Variants in CPS1 observed in about 807,000 individuals in gnomAD.
CPS1 encodes the protein carbamoyl-phosphate synthase 1.
In CPS1, 109 loss-of-function variants were observed where a neutral mutation model predicts 174.6. The observed-to-expected ratio is 0.62, with a 90% CI of 0.53 to 0.73. The LOEUF is 0.73. Among genes scored for constraint, CPS1 ranks in the 30% least tolerant of loss-of-function variants. CPS1 has a pLI of 0.00. For missense variants in CPS1, 1,689 were observed against 1,821.9 expected, an observed-to-expected ratio of 0.93 and a Z score of 1.33; for synonymous variants, 637 against 632.0, an observed-to-expected ratio of 1.01 and a Z score of -0.12.
At chr2:210,675,048 C>A (rs369588620) in intron 35 of CPS1, 87 bp downstream of exon 35, 10 of 1,038,722 alleles carry the variant, frequency 9.6e-6, no homozygotes, top group Non-Finnish European at 1.5e-5. Context: ...AAAGAAATAG[C>A]CCAAAATATG....
rs192708177 is a variant in CPS1 at position 210,481,715 on chromosome 2, T to A, written c.3+3949T>A. On this transcript the variant is annotated intron_variant, in intron 1 of 38. Coordinates refer to the CPS1 transcript ENST00000430249. ...CCTACTTGCCTAGTAGCCACGTTAT[T>A]TGTGCTTCATTTTTCCTTTCTATTT... Among the ~76,000 whole-genome samples, 627 of 152,372 alleles carry A rather than the reference T, an allele frequency of 4.1e-3. 3 individuals are homozygous for A. Among genetic ancestry groups the A allele is most frequent in the Non-Finnish European group, 7.0e-3 (479 of 68,034 alleles).
At chr2:210,541,250 T>A (rs1302864720) in intron 1 of CPS1, among the ~76,000 whole-genome samples, 1 of 152,166 alleles carries the variant, frequency 6.6e-6, no homozygotes, top group Non-Finnish European at 1.5e-5. Context: ...TTTAGCTGAG[T>A]TGTGATATTT....
chr2:210,571,495 G>A (rs1697483925), intron 1 of CPS1, among the ~76,000 whole-genome samples: 1 of 151,834 alleles, frequency 6.6e-6, no homozygotes, highest in African/African-American at 2.4e-5. Flanking sequence ...CTGTTGAGAG[G>A]AACATCTTAA....
intron 34 of CPS1, chr2:210,671,513 GA>G (rs893263251): frequency 6.6e-5 from 10 of 152,110 alleles, no homozygotes; most frequent in African/African-American, 2.4e-4. Flanking sequence ...ACATTTCCAA[GA>G]AAATAAATCA....
intron 1 of CPS1, among the ~76,000 whole-genome samples, chr2:210,564,398 T>C (rs967491051): frequency 1.3e-5 from 2 of 151,834 alleles, no homozygotes; most frequent in South Asian, 2.1e-4. Flanking sequence ...TTTTTTGAGA[T>C]GGAGTCTCGC....
chr2:210,651,127 A>G (rs957823345), intron 28 of CPS1, among the ~76,000 whole-genome samples: 2 of 151,944 alleles, frequency 1.3e-5, no homozygotes, highest in African/African-American at 2.4e-5. Context: ...TCCTTTTAAA[A>G]GCTTTCAAAA....
At chr2:210,513,180 A>G (rs1695576829) in intron 1 of CPS1, among the ~76,000 whole-genome samples, 1 of 147,892 alleles carries the variant, frequency 6.8e-6, no homozygotes, top group Non-Finnish European at 1.5e-5. Flanking sequence ...ATATATATAT[A>G]TATCTCTCTC....
chr2:210,630,079 CAAAA>C (rs1233917758), intron 21 of CPS1, among the ~76,000 whole-genome samples: 4 of 104,968 alleles, frequency 3.8e-5, no homozygotes, highest in Admixed American at 2.8e-4. Context: ...TCTCAAAAAA[CAAAA>C]AAACAAAACA....
Position 210,642,677 on chromosome 2 carries a change from A to G in CPS1, c.3141+12A>G. On this transcript the variant is annotated intron_variant, in intron 25 of 37. Coordinates refer to ENST00000233072, the MANE Select transcript of CPS1 (RefSeq NM_001875.5). ...TCTACCATCAGGAGGTAAGAAAAGA[A>G]AAACAGAAAAAAAAGAAAAAAGAAG... 1 of 1,610,322 alleles carries G rather than the reference A, an allele frequency of 6.2e-7. No homozygotes were observed. The highest frequency in any genetic ancestry group is 2.2e-5 in the East Asian group (1 of 44,870).
intron 1 of CPS1, among the ~76,000 whole-genome samples, chr2:210,512,310 T>C (rs974760140): frequency 6.6e-6 from 1 of 152,044 alleles, no homozygotes; most frequent in Admixed American, 6.6e-5. Context: ...ATCACCCAGA[T>C]AGTGGGCATA....
At chr2:210,594,253 A>G (rs1422603793) in intron 11 of CPS1, among the ~76,000 whole-genome samples, 1 of 151,974 alleles carries the variant, frequency 6.6e-6, no homozygotes, top group Admixed American at 6.6e-5. Flanking sequence ...CATTCTCAGA[A>G]GGTATCTGAT....
chr2:210,651,780 C>T (rs71422705), intron 28 of CPS1, among the ~76,000 whole-genome samples: 12,214 of 152,160 alleles, frequency 0.08, 489 homozygotes, highest in Middle Eastern at 0.12. Context: ...AATTCAATGA[C>T]TCTAGAGTAA....
intron 1 of CPS1, among the ~76,000 whole-genome samples, chr2:210,536,896 T>C (rs1696269432): frequency 6.6e-6 from 1 of 152,168 alleles, no homozygotes; most frequent in African/African-American, 2.4e-5. Flanking sequence ...TAGTACCAGA[T>C]AAATAAACAT....
intron 1 of CPS1, among the ~76,000 whole-genome samples, chr2:210,520,455 C>T (rs1695790735): frequency 6.6e-6 from 1 of 151,942 alleles, no homozygotes; most frequent in Non-Finnish European, 1.5e-5. Flanking sequence ...TAGTGCTCTC[C>T]CTCCCCTTGT....
chr2:210,500,283 C>A (rs147971082), intron 1 of CPS1, among the ~76,000 whole-genome samples: 1 of 152,102 alleles, frequency 6.6e-6, no homozygotes, highest in Non-Finnish European at 1.5e-5. Context: ...TGGCTCCTCC[C>A]AAATCTCATG....
chr2:210,507,806 T>C (rs2105970516), intron 1 of CPS1, among the ~76,000 whole-genome samples: 1 of 152,236 alleles, frequency 6.6e-6, no homozygotes, highest in South Asian at 2.1e-4. Flanking sequence ...GGTAAAGGGA[T>C]CAATGCAACA....
rs149107897 is a variant in CPS1 at position 210,592,901 on chromosome 2, C to T, written c.1109C>T (p.Pro370Leu). ...TNEGIMHESK[P>L]FFAVQFHPEV... is the part of the protein sequence containing the mutation. ...TAGGGGATTATGCATGAGAGCAAAC[C>T]CTTCTTCGCTGTGCAGTTCCACCCA... The change falls in exon 11 of 38, where the codon CCC becomes CTC. Residue 370 changes from proline (P) to leucine (L), a missense_variant. Physicochemically the swap from Pro to Leu is moderately conservative, Grantham distance 98 (BLOSUM62 -3). Transcript: ENST00000233072. 6.2e-7 allele frequency: 1 copy of T among 1,612,282 alleles called. No homozygotes were observed. The highest frequency in any genetic ancestry group is 8.5e-7 in the Non-Finnish European group (1 of 1,179,004).
At chr2:210,548,023 T>A (rs1266168650) in intron 1 of CPS1, among the ~76,000 whole-genome samples, 1 of 152,050 alleles carries the variant, frequency 6.6e-6, no homozygotes, top group African/African-American at 2.4e-5. Flanking sequence ...AAACAGACAT[T>A]TATGGACAAG....
At chr2:210,629,953 G>C (rs1699815796) in intron 21 of CPS1, among the ~76,000 whole-genome samples, 1 of 151,506 alleles carries the variant, frequency 6.6e-6, no homozygotes, top group Non-Finnish European at 1.5e-5. Context: ...GGCGCCTGTA[G>C]TCCCAGCTAC....
Sources: gnomAD v4.1 joint callset for allele counts (sites outside exome capture counted in the v4.1 genomes callset) on GRCh38, gnomAD v4.1.1 for gene constraint, MANE v1.5 for transcripts, NCBI Gene and HGNC (gene_info 2026-07-23, HGNC 2026-07-21) for gene names.